The following RARS2 variants were observed in gnomAD, a reference collection of about 807,000 sequenced individuals.
RARS2 encodes the protein probable arginine--tRNA ligase, mitochondrial.
A neutral mutation model predicts 88.5 loss-of-function variants in RARS2; 67 were observed. That is an observed-to-expected ratio of 0.76 (90% CI 0.62 to 0.93). The LOEUF is 0.93. Among genes scored for constraint, RARS2 ranks in the 40% least tolerant of loss-of-function variants. The pLI, the probability that RARS2 is intolerant of heterozygous loss-of-function variation, is 0.00. For synonymous variants in RARS2, 239 were observed against 230.3 expected, an observed-to-expected ratio of 1.04 and a Z score of -0.34; for missense variants, 664 against 684.2, an observed-to-expected ratio of 0.97 and a Z score of 0.33.
chr6:87,542,458 C>T (rs1392574464), intron 7 of RARS2, among the ~76,000 whole-genome samples: 4 of 152,098 alleles, frequency 2.6e-5, no homozygotes, highest in Non-Finnish European at 5.9e-5. Flanking sequence ...AATGCGAAGA[C>T]AGCAATGGTT....
intron 8 of RARS2, among the ~76,000 whole-genome samples, chr6:87,532,236 G>C (rs999389248): frequency 1.3e-5 from 2 of 151,968 alleles, no homozygotes; most frequent in Admixed American, 6.6e-5. Flanking sequence ...CCCTAGAAAA[G>C]AGTTAACTAG....
intron 1 of RARS2, among the ~76,000 whole-genome samples, chr6:87,572,032 G>A (rs1246739168): frequency 1.3e-5 from 2 of 150,652 alleles, no homozygotes; most frequent in African/African-American, 2.4e-5. Flanking sequence ...AACAGTTCAT[G>A]TTTATAGTAC....
intron 2 of RARS2, among the ~76,000 whole-genome samples, chr6:87,568,216 G>A (rs1768517810): frequency 6.6e-6 from 1 of 152,224 alleles, no homozygotes; most frequent in Non-Finnish European, 1.5e-5. Context: ...GAAACAAACA[G>A]GCTGGGTGTG....
In RARS2 at chr6:87,530,778, C is replaced by A. The variant is rs745640496; in HGVS notation, c.771+6G>T. On this transcript the variant is annotated splice_donor_region_variant and intron_variant, in intron 9 of 19. Coordinates refer to ENST00000369536, the MANE Select transcript of RARS2 (RefSeq NM_020320.5). ...TGGGAAAGCAGAAGGGAGGGTCAAC[C>A]AATACCTTGTAAACCCGAATGTACT... The A allele has an allele frequency of 6.2e-7, 1 of 1,613,978 alleles. No homozygotes were observed. Among genetic ancestry groups the A allele is most frequent in the Non-Finnish European group, 8.5e-7 (1 of 1,179,964 alleles).
At chr6:87,568,904 T>A in intron 2 of RARS2, among the ~76,000 whole-genome samples, 1 of 152,258 alleles carries the variant, frequency 6.6e-6, no homozygotes, top group Non-Finnish European at 1.5e-5. Context: ...CATTATTAAT[T>A]GACAGACAAT....
At chr6:87,537,157 T>G (rs1276540351) in intron 8 of RARS2, among the ~76,000 whole-genome samples, 2 of 152,258 alleles carry the variant, frequency 1.3e-5, no homozygotes, top group African/African-American at 4.8e-5. Context: ...AGGCAGGCCA[T>G]AAAATCTGCT....
chr6:87,560,883 C>T lies in RARS2; in HGVS notation c.297+1819G>A, dbSNP rs560228922. The stretch of plus-strand genomic sequence containing the variant: ...AGCCTGGGCAACAAGAGCAAAACTC[C>T]GTCTCAAAAAAAACCATGCAAATGA... On this transcript the variant is annotated intron_variant, in intron 4 of 19. Transcript: ENST00000369536. 3.0e-4 allele frequency among the ~76,000 whole-genome samples: 45 copies of T among 152,110 alleles called. 1 individual carries two copies. The highest frequency in any genetic ancestry group is 9.4e-4 in the African/African-American group (39 of 41,516).
rs1769037414 is a variant in RARS2 at position 87,569,717 on chromosome 6, G to A, written c.37-127C>T. Reference sequence around the variant, plus strand: ...AATGAGCTCCAAATGCATTCCAAGTGAAGGAAGCCAGATTCAAAAAGGTAT... The same window carrying A: ...AATGAGCTCCAAATGCATTCCAAGTAAAGGAAGCCAGATTCAAAAAGGTAT... On this transcript the variant is annotated intron_variant, in intron 1 of 19. Coordinates refer to ENST00000369536, the MANE Select transcript of RARS2 (RefSeq NM_020320.5). 5 of 774,182 alleles carry A rather than the reference G, an allele frequency of 6.5e-6. No individual in the cohort carries two copies. In the Admixed American group the frequency reaches 8.3e-5, roughly 13 times the overall value. The allele number at this position is 774,182 out of a possible 1,614,324, so 48.0% of individuals were successfully genotyped here. A position where few individuals can be genotyped will look rare whatever the true frequency, so the allele number is the denominator to read the frequency against.
At chr6:87,552,016 T>C (rs1054134602) in intron 5 of RARS2, among the ~76,000 whole-genome samples, 7 of 152,230 alleles carry the variant, frequency 4.6e-5, no homozygotes, top group Non-Finnish European at 8.8e-5. Flanking sequence ...ATTTATCCTG[T>C]ACTTTATCAC....
chr6:87,550,116 G>A (rs6933305), intron 5 of RARS2, among the ~76,000 whole-genome samples: 16,381 of 152,104 alleles, frequency 0.11, 930 homozygotes, highest in East Asian at 0.15. Context: ...AACTACACAC[G>A]TATTTATTTA....
At chr6:87,559,468 A>C (rs1357023821) in intron 4 of RARS2, among the ~76,000 whole-genome samples, 20 of 64,420 alleles carry the variant, frequency 3.1e-4, no homozygotes, top group African/African-American at 1.1e-3. Flanking sequence ...TGTCTCAAAA[A>C]AAAAAAAAAA....
chr6:87,517,404 C>G (rs1056039607), intron 17 of RARS2, among the ~76,000 whole-genome samples: 1 of 152,154 alleles, frequency 6.6e-6, no homozygotes, highest in African/African-American at 2.4e-5. Context: ...TTTCCTAGAC[C>G]TAGTCCACAG....
chr6:87,541,561 C>T (rs914385360), intron 8 of RARS2, among the ~76,000 whole-genome samples: 2 of 152,024 alleles, frequency 1.3e-5, no homozygotes, highest in Non-Finnish European at 1.5e-5. Context: ...TGGTGACTCA[C>T]GCCTGTAATC....
At chr6:87,541,499 T>G (rs1780944015) in intron 8 of RARS2, among the ~76,000 whole-genome samples, 1 of 152,130 alleles carries the variant, frequency 6.6e-6, no homozygotes, top group Non-Finnish European at 1.5e-5. Context: ...TCAATTATGT[T>G]TTGGTTCCTT....
intron 5 of RARS2, among the ~76,000 whole-genome samples, chr6:87,550,307 G>A (rs1357242271): frequency 1.3e-5 from 2 of 152,172 alleles, no homozygotes; most frequent in Non-Finnish European, 2.9e-5. Flanking sequence ...TGATGTCTGA[G>A]AGAAGAGCAA....
intron 3 of RARS2, 120 bp from the exon 4 acceptor site, chr6:87,562,905 ATCGGGTCCCAGT>A (rs1398128084): frequency 1.3e-6 from 1 of 751,292 alleles, no homozygotes; most frequent in Non-Finnish European, 2.4e-6. Context: ...TGGTCCCTAT[ATCGGGTCCCAGT>A]TCTCAGGCAA....
At chr6:87,551,891 G>C (rs1784444304) in intron 5 of RARS2, among the ~76,000 whole-genome samples, 1 of 152,168 alleles carries the variant, frequency 6.6e-6, no homozygotes, top group African/African-American at 2.4e-5. Context: ...ATCTTACAGA[G>C]CTGATTTGTA....
At chr6:87,553,361 A>T (rs1184508408) in intron 5 of RARS2, among the ~76,000 whole-genome samples, 4 of 152,182 alleles carry the variant, frequency 2.6e-5, no homozygotes, top group African/African-American at 7.2e-5. Context: ...CCCATTTCCT[A>T]ATCCATGGTG....
intron 11 of RARS2, among the ~76,000 whole-genome samples, chr6:87,524,057 TTG>T (rs1217392367): frequency 6.6e-6 from 1 of 152,208 alleles, no homozygotes; most frequent in African/African-American, 2.4e-5. Flanking sequence ...TATCATGACT[TTG>T]TGTTACAAAA....
Sources: allele counts gnomAD v4.1 joint callset (sites outside exome capture counted in the v4.1 genomes callset), GRCh38; gene constraint gnomAD v4.1.1; transcripts MANE v1.5; gene names NCBI Gene and HGNC (gene_info 2026-07-23, HGNC 2026-07-21).